The following NCALD variants were observed in gnomAD, a reference collection of about 807,000 sequenced individuals.
NCALD encodes neurocalcin delta, also known as neurocalcin-delta.
NCALD carries 10 observed loss-of-function variants against 18.6 expected under a neutral mutation model. The observed-to-expected ratio is 0.54, with a 90% confidence interval of 0.33 to 0.91. The LOEUF is 0.91. Ranked by LOEUF, NCALD falls within the 40% of genes least tolerant of loss-of-function variation. NCALD has a pLI of 0.03. For synonymous variants in NCALD, 88 were observed against 87.4 expected (o/e 1.01, Z -0.04); for missense variants, 184 against 247.6 (o/e 0.74, Z 1.72).
intron 1 of NCALD, among the ~76,000 whole-genome samples, chr8:101,787,702 T>G (rs1266556499): frequency 6.6e-6 from 1 of 152,220 alleles, no homozygotes; most frequent in Non-Finnish European, 1.5e-5. Flanking sequence ...AATAAGGTTC[T>G]GCATTCAGAT....
At chr8:101,854,456 T>C (rs143601017) in intron 4 of NCALD, among the ~76,000 whole-genome samples, 1 of 152,302 alleles carries the variant, frequency 6.6e-6, no homozygotes, top group Non-Finnish European at 1.5e-5. Flanking sequence ...CACTTTCTAC[T>C]GTCCCTGCAC....
intron 1 of NCALD, among the ~76,000 whole-genome samples, chr8:102,076,330 C>T (rs1824348397): frequency 6.6e-6 from 1 of 152,156 alleles, no homozygotes; most frequent in Non-Finnish European, 1.5e-5. Flanking sequence ...TAATGAGTGA[C>T]ACACACAGGC....
chr8:102,079,081 C>T (rs1028243410), intron 1 of NCALD, among the ~76,000 whole-genome samples: 2 of 152,148 alleles, frequency 1.3e-5, no homozygotes, highest in South Asian at 2.1e-4. Flanking sequence ...TGGAGACCAC[C>T]GCTTCATTTC....
intron 2 of NCALD, among the ~76,000 whole-genome samples, chr8:101,953,979 A>G (rs1017240365): frequency 6.6e-6 from 1 of 152,202 alleles, no homozygotes; most frequent in African/African-American, 2.4e-5. Flanking sequence ...GGTAGTCAGC[A>G]ACAGAATTGC....
chr8:101,725,675 G>A (rs549609451), intron 1 of NCALD, among the ~76,000 whole-genome samples: 6 of 152,126 alleles, frequency 3.9e-5, no homozygotes, highest in Non-Finnish European at 8.8e-5. Context: ...GCTCACTTCG[G>A]CCCCACACCT....
chr8:101,996,422 A>C (rs1350071659), intron 2 of NCALD, among the ~76,000 whole-genome samples: 1 of 152,254 alleles, frequency 6.6e-6, no homozygotes, highest in African/African-American at 2.4e-5. Context: ...CAAGGTGAAG[A>C]AGCAAGTGGA....
chr8:102,061,880 C>A (rs1486506687), intron 1 of NCALD, among the ~76,000 whole-genome samples: 3 of 152,082 alleles, frequency 2.0e-5, no homozygotes, highest in Non-Finnish European at 4.4e-5. Context: ...CAAAATCAAC[C>A]AAGAGCAAAA....
intron 2 of NCALD, among the ~76,000 whole-genome samples, chr8:101,995,410 A>G (rs1821201022): frequency 6.6e-6 from 1 of 152,204 alleles, no homozygotes; most frequent in Non-Finnish European, 1.5e-5. Flanking sequence ...ATTTATAAGA[A>G]AAGAGATTTA....
chr8:101,729,877 T>C (rs1216011340), intron 1 of NCALD, among the ~76,000 whole-genome samples: 2 of 152,192 alleles, frequency 1.3e-5, no homozygotes, highest in Non-Finnish European at 2.9e-5. Flanking sequence ...AACATACTTC[T>C]GATAAGAATC....
chr8:101,928,486 C>T (rs1226192153), intron 2 of NCALD, among the ~76,000 whole-genome samples: 1 of 151,964 alleles, frequency 6.6e-6, no homozygotes, highest in East Asian at 1.9e-4. Context: ...TTTTATATAC[C>T]AACTCCACAC....
intron 2 of NCALD, among the ~76,000 whole-genome samples, chr8:101,935,097 A>G (rs1818711991): frequency 3.3e-5 from 5 of 152,312 alleles, no homozygotes; most frequent in Admixed American, 2.6e-4. Context: ...AAGTGGGAAT[A>G]GTCAGAAAAA....
intron 1 of NCALD, among the ~76,000 whole-genome samples, chr8:102,041,682 T>A (rs1823055073): frequency 6.6e-6 from 1 of 152,176 alleles, no homozygotes; most frequent in Non-Finnish European, 1.5e-5. Context: ...CAAGAGAAAG[T>A]CAAAGCAATC....
At chr8:101,995,744 C>T (rs1396092982) in intron 2 of NCALD, among the ~76,000 whole-genome samples, 1 of 152,142 alleles carries the variant, frequency 6.6e-6, no homozygotes, top group Non-Finnish European at 1.5e-5. Context: ...TGGGTGGAGA[C>T]ATATATCCAA....
intron 2 of NCALD, among the ~76,000 whole-genome samples, chr8:101,920,494 G>A (rs1318709404): frequency 6.6e-6 from 1 of 152,102 alleles, no homozygotes; most frequent in Non-Finnish European, 1.5e-5. Context: ...CATCAATGGT[G>A]AATTAGATTA....
rs79614832 is a variant in NCALD at position 101,815,165 on chromosome 8, C to A, written c.-20+71976G>T. 8.3e-3 allele frequency among the ~76,000 whole-genome samples: 1,267 copies of A among 152,156 alleles called. 18 individuals carry two copies. Among genetic ancestry groups the A allele is most frequent in the African/African-American group, 0.026 (1,095 of 41,512 alleles). ...CAAAAGACCCAGAATAGCCAGCCAA[C>A]ATTGAAGGAGAAGAACAGAGCTGGA... On this transcript the variant is annotated intron_variant, in intron 4 of 6. Transcript: ENST00000311028.
At chr8:101,910,375 C>T (rs115464630) in intron 3 of NCALD, among the ~76,000 whole-genome samples, 6,552 of 151,036 alleles carry the variant, frequency 0.043, 242 homozygotes, top group African/African-American at 0.098. Context: ...GTGCTGAGGT[C>T]GCCAGAAAAG....
chr8:101,900,130 T>A (rs1313852110), intron 3 of NCALD, among the ~76,000 whole-genome samples: 2 of 151,942 alleles, frequency 1.3e-5, no homozygotes, highest in Admixed American at 1.3e-4. Flanking sequence ...TAATTTCATA[T>A]AAGTTGTCAA....
At chr8:101,694,388 C>T (rs1814889062) in intron 2 of NCALD, 1 of 152,188 alleles carries the variant, frequency 6.6e-6, no homozygotes, top group Non-Finnish European at 1.5e-5. Context: ...AAGTTCCTAA[C>T]ATGTTCTGGA....
At chr8:101,926,274 GT>G (rs1428452753) in intron 2 of NCALD, among the ~76,000 whole-genome samples, 2 of 152,206 alleles carry the variant, frequency 1.3e-5, no homozygotes, top group Non-Finnish European at 2.9e-5. Context: ...CCCGAGGCCT[GT>G]TTGGTCAGCT....
Sources: gnomAD v4.1 joint callset for allele counts (sites outside exome capture counted in the v4.1 genomes callset) on GRCh38, gnomAD v4.1.1 for gene constraint, MANE v1.5 for transcripts, NCBI Gene and HGNC (gene_info 2026-07-23, HGNC 2026-07-21) for gene names.